Variants in TTF2 observed in about 807,000 individuals in gnomAD.
TTF2 encodes transcription termination factor 2.
TTF2 carries 108 observed loss-of-function variants against 142.4 expected under a neutral mutation model. That is an observed-to-expected ratio of 0.76 (90% CI 0.65 to 0.89). TTF2 has a LOEUF of 0.89. Among genes scored for constraint, TTF2 ranks in the 40% least tolerant of loss-of-function variants. The pLI, the probability that TTF2 is intolerant of heterozygous loss-of-function variation, is 0.00. For missense variants in TTF2, 1,327 were observed against 1,379.8 expected (o/e 0.96, Z 0.61); for synonymous variants, 483 against 506.2 (o/e 0.95, Z 0.61).
In TTF2 at chr1:117,086,880, A is replaced by T. The variant is rs962346973; in HGVS notation, c.2160+358A>T. Among the ~76,000 whole-genome samples the T allele has an allele frequency of 1.3e-5, 2 of 152,086 alleles. No individual in the cohort carries two copies. The highest frequency in any genetic ancestry group is 2.4e-5 in the African/African-American group (1 of 41,380). On this transcript the variant is annotated intron_variant, in intron 12 of 22. Coordinates refer to ENST00000369466, the MANE Select transcript of TTF2 (RefSeq NM_003594.4). This position sits in a 1 kb window ranked among gnomAD's most constrained non-coding sequence, Gnocchi z 4.2. ...ATGATATTTTTAATATTTATTGTGC[A>T]GACTAGTATTTTACTACTAGTATTT...
intron 2 of TTF2, among the ~76,000 whole-genome samples, chr1:117,061,066 A>G (rs918797034): frequency 2.6e-5 from 4 of 152,244 alleles, no homozygotes; most frequent in African/African-American, 9.6e-5. Flanking sequence ...AAATGGTGAA[A>G]TTGATAATTC....
rs1648652284 is a variant in TTF2, at chr1:117,092,121, T to G, written c.2805+171T>G. 6.6e-6 allele frequency among the ~76,000 whole-genome samples: 1 copy of G among 152,228 alleles called. No homozygotes were observed. The highest frequency in any genetic ancestry group is 2.1e-4 in the South Asian group (1 of 4,828). On this transcript the variant is annotated intron_variant, in intron 17 of 22. Transcript: ENST00000369466. The surrounding 1 kb of genome is among the most constrained non-coding windows in gnomAD (Gnocchi z 4.4). Reference sequence around the variant, plus strand: ...TGGAGAAAAGGGGGCTTATTTATTTTGCTTTATTTCATATTAATCTTGATA... The same window carrying G: ...TGGAGAAAAGGGGGCTTATTTATTTGGCTTTATTTCATATTAATCTTGATA...
In TTF2 at chr1:117,097,499, A is replaced by T; in HGVS notation, c.3269+66A>T. ...AAGGAGGCCAGTGGGCTACAGGGGC[A>T]GCAAGAACTGACTTCTTATGTTGAT... On this transcript the variant is annotated intron_variant, in intron 21 of 22. Coordinates refer to ENST00000369466, the MANE Select transcript of TTF2 (RefSeq NM_003594.4). This position sits in a 1 kb window ranked among gnomAD's most constrained non-coding sequence, Gnocchi z 4.1. 1 of 1,430,858 alleles carries T rather than the reference A, an allele frequency of 7.0e-7. No individual in the cohort carries two copies. 88.6% of individuals were successfully genotyped at this position (1,430,858 alleles called of 1,614,324 possible).
At chr1:117,082,051 T>C (rs753948441) in intron 10 of TTF2, 104 bp downstream of exon 10, 16 of 1,531,590 alleles carry the variant, frequency 1.0e-5, no homozygotes, top group Non-Finnish European at 1.4e-5. Context: ...CATATTTAAT[T>C]ACTCTACTGG....
intron 20 of TTF2, among the ~76,000 whole-genome samples, chr1:117,096,706 T>C (rs1420997870): frequency 6.6e-6 from 1 of 152,234 alleles, no homozygotes; most frequent in Non-Finnish European, 1.5e-5. Context: ...TATGGCAACT[T>C]AAAAATATTT....
Position 117,076,289 on chromosome 1 carries a change from A to G in TTF2, c.1385A>G (p.Glu462Gly). The G allele has an allele frequency of 6.2e-7, 1 of 1,613,470 alleles. No individual in the cohort carries two copies. Among genetic ancestry groups the G allele is most frequent in the Non-Finnish European group, 8.5e-7 (1 of 1,179,640 alleles). The change falls in exon 6 of 23, where the codon GAG becomes GGG. Residue 462 changes from glutamate to glycine, a missense_variant. Coordinates refer to ENST00000369466, the MANE Select transcript of TTF2 (RefSeq NM_003594.4). This position sits in a 1 kb window ranked among gnomAD's most constrained non-coding sequence, Gnocchi z 4.6. The part of the protein sequence containing the change: ...EVLSGLTLSP[E>G]QGTNEKSNSQ... ...CTCAGTGGTCTTACCCTTTCCCCAGAGCAAGGTAAAGTGGCTTATGCCTCA... is the reference window on the plus strand; with the variant it reads ...CTCAGTGGTCTTACCCTTTCCCCAGGGCAAGGTAAAGTGGCTTATGCCTCA...
chr1:117,086,672 C>T lies in TTF2; in HGVS notation c.2160+150C>T. ...ATGTGGAAAGGAATTGTTCTTTCCT[C>T]TATCCCATCACCCTTATTCCAGACA... is the stretch of plus-strand genomic sequence containing the variant. On this transcript the variant is annotated intron_variant, in intron 12 of 22. Transcript: ENST00000369466. This position sits in a 1 kb window ranked among gnomAD's most constrained non-coding sequence, Gnocchi z 4.2. The T allele has an allele frequency of 1.6e-6, 1 of 622,836 alleles. No homozygotes were observed. 38.6% of individuals were successfully genotyped at this position (622,836 alleles called of 1,614,324 possible).
At position 117,087,582 on chromosome 1, in the gene TTF2, C is replaced by G. The variant is rs1198130755; in HGVS notation, c.2160+1060C>G. On this transcript the variant is annotated intron_variant, in intron 12 of 22. Transcript: ENST00000369466. The surrounding 1 kb of genome is among the most constrained non-coding windows in gnomAD (Gnocchi z 4.8). Reference sequence around the variant, plus strand: ...TGCTGGGATTATAGGCATGAGCCACCATGCCTGGCCATATTAGGCTCTTTA... The same window carrying G: ...TGCTGGGATTATAGGCATGAGCCACGATGCCTGGCCATATTAGGCTCTTTA... Among the ~76,000 whole-genome samples the G allele has an allele frequency of 6.6e-6, 1 of 152,152 alleles. No homozygotes were observed. The highest frequency in any genetic ancestry group is 1.5e-5 in the Non-Finnish European group (1 of 68,040).
At position 117,092,018 on chromosome 1, in the gene TTF2, T is replaced by C; in HGVS notation, c.2805+68T>C. The C allele has an allele frequency of 6.7e-7, 1 of 1,487,382 alleles. No individual in the cohort carries two copies. The highest frequency in any genetic ancestry group is 1.3e-5 in the South Asian group (1 of 78,256). The allele number at this position is 1,487,382 out of a possible 1,614,324, so 92.1% of individuals were successfully genotyped here. ...GGGCCACCTGAGAAGTCAATTTCAC[T>C]CTCCTCCAACTGGAATCCAGTCTGC... is the stretch of plus-strand genomic sequence containing the variant. On this transcript the variant is annotated intron_variant, in intron 17 of 22. Coordinates refer to ENST00000369466, the MANE Select transcript of TTF2 (RefSeq NM_003594.4). The surrounding 1 kb of genome is among the most constrained non-coding windows in gnomAD (Gnocchi z 4.4).
At position 117,092,117 on chromosome 1, in the gene TTF2, A is replaced by C. The variant is rs902957608; in HGVS notation, c.2805+167A>C. 6.6e-6 allele frequency among the ~76,000 whole-genome samples: 1 copy of C among 152,024 alleles called. No homozygotes were observed. Among genetic ancestry groups the C allele is most frequent in the African/African-American group, 2.4e-5 (1 of 41,384 alleles). ...GGGTTGGAGAAAAGGGGGCTTATTTATTTTGCTTTATTTCATATTAATCTT... is the reference window on the plus strand; with the variant it reads ...GGGTTGGAGAAAAGGGGGCTTATTTCTTTTGCTTTATTTCATATTAATCTT... On this transcript the variant is annotated intron_variant, in intron 17 of 22. Coordinates refer to ENST00000369466, the MANE Select transcript of TTF2 (RefSeq NM_003594.4). The surrounding 1 kb of genome is among the most constrained non-coding windows in gnomAD (Gnocchi z 4.4).
Position 117,086,780 on chromosome 1 carries a change from G to T in TTF2, c.2160+258G>T, listed in dbSNP as rs1031089250. On this transcript the variant is annotated intron_variant, in intron 12 of 22. Transcript: ENST00000369466. The surrounding 1 kb of genome is among the most constrained non-coding windows in gnomAD (Gnocchi z 4.2). ...AAAGATGACTGCATTGTATTTGTGG[G>T]GGTAATAATCACCTGAATATATAAA... is the stretch of plus-strand genomic sequence containing the variant. Among the ~76,000 whole-genome samples the T allele has an allele frequency of 2.0e-5, 3 of 152,012 alleles. No homozygotes were observed. The highest frequency in any genetic ancestry group is 4.4e-5 in the Non-Finnish European group (3 of 68,010).
intron 21 of TTF2, 155 bp from the exon 22 acceptor site, chr1:117,098,678 T>C: frequency 1.6e-6 from 1 of 622,248 alleles, no homozygotes; most frequent in Non-Finnish European, 2.8e-6. Flanking sequence ...TGTGTTTTGT[T>C]TTGCTTTGCT....
chr1:117,093,291 A>G lies in TTF2; in HGVS notation c.2976+390A>G, dbSNP rs1007297215. On this transcript the variant is annotated intron_variant, in intron 18 of 22. Transcript: ENST00000369466. This position sits in a 1 kb window ranked among gnomAD's most constrained non-coding sequence, Gnocchi z 4.5. ...AGACTGTGTCATACATGCGAGCGCC[A>G]ATTGCTCTGACTTTGAAAGGCTTCC... Among the ~76,000 whole-genome samples the G allele has an allele frequency of 3.9e-5, 6 of 152,210 alleles. No homozygotes were observed. The highest frequency in any genetic ancestry group is 2.6e-4 in the Admixed American group (4 of 15,290).
At chr1:117,095,241 G>A in intron 18 of TTF2, 68 bp from the exon 19 acceptor site, 3 of 1,498,194 alleles carry the variant, frequency 2.0e-6, no homozygotes, top group Non-Finnish European at 2.8e-6. Flanking sequence ...TGCTTCGCAT[G>A]GCAGGTGAGG....
chr1:117,096,448 G>GA lies in TTF2; in HGVS notation c.3186+149_3186+150insA, dbSNP rs1421636477. 4 of 989,476 alleles carry GA rather than the reference G, an allele frequency of 4.0e-6. No individual in the cohort carries two copies. The African/African-American group carries it at 6.6e-5, about 16-fold the overall frequency. 61.3% of individuals were successfully genotyped at this position (989,476 alleles called of 1,614,324 possible). On this transcript the variant is annotated intron_variant, in intron 20 of 22. Transcript: ENST00000369466. ...GCTGGACTGCAATAGTGCTATCTTGGCTCACCGCAACCTCCGCCTCCCGGG... is the reference window on the plus strand; with the variant it reads ...GCTGGACTGCAATAGTGCTATCTTGGACTCACCGCAACCTCCGCCTCCCGGG...
In TTF2 at chr1:117,101,249, A is replaced by T; in HGVS notation, c.3345-131A>T. On this transcript the variant is annotated intron_variant, in intron 22 of 22. Coordinates refer to ENST00000369466, the MANE Select transcript of TTF2 (RefSeq NM_003594.4). The surrounding 1 kb of genome is among the most constrained non-coding windows in gnomAD (Gnocchi z 5.9). ...TTTGGATTCCTCAGACAGGGTTCTTAACTGGACCTAAGAAGACTTAAAGGA... is the reference window on the plus strand; with the variant it reads ...TTTGGATTCCTCAGACAGGGTTCTTTACTGGACCTAAGAAGACTTAAAGGA... 1.1e-6 allele frequency: 1 copy of T among 944,846 alleles called. No homozygotes were observed. The highest frequency in any genetic ancestry group is 1.5e-6 in the Non-Finnish European group (1 of 662,084). The allele number at this position is 944,846 out of a possible 1,614,324, so 58.5% of individuals were successfully genotyped here. A position where few individuals can be genotyped will look rare whatever the true frequency, so the allele number is the denominator to read the frequency against.
intron 7 of TTF2, among the ~76,000 whole-genome samples, 154 bp from the exon 8 acceptor site, chr1:117,077,762 C>G (rs1289670): frequency 0.023 from 3,574 of 152,222 alleles, 80 homozygotes; most frequent in South Asian, 0.1. Flanking sequence ...ACTTGTTTCC[C>G]AACTGAGAAC....
In TTF2 at chr1:117,060,492, C is replaced by T. The variant is rs758324413; in HGVS notation, c.66C>T (p.Gly22=). 1.5e-5 allele frequency: 24 copies of T among 1,613,872 alleles called. No homozygotes were observed. The highest frequency in any genetic ancestry group is 5.0e-5 in the Admixed American group (3 of 59,988). The part of the protein sequence containing the change: ...FCFLKTGVRD[G]PNKGKSFYVC... Reference sequence around the variant, plus strand: ...TTCTTAAGACCGGCGTCCGCGATGGCCCGAATAAAGGAAAGAGCTTCTACG... The same window carrying T: ...TTCTTAAGACCGGCGTCCGCGATGGTCCGAATAAAGGAAAGAGCTTCTACG... The change falls in exon 2 of 23, where the codon GGC becomes GGT. Residue 22 remains glycine, a synonymous_variant. Coordinates refer to ENST00000369466, the MANE Select transcript of TTF2 (RefSeq NM_003594.4).
At chr1:117,060,982 T>A (rs941107060) in intron 2 of TTF2, among the ~76,000 whole-genome samples, 6 of 152,376 alleles carry the variant, frequency 3.9e-5, no homozygotes, top group Non-Finnish European at 7.3e-5. Flanking sequence ...CGGTTTTTTT[T>A]AAATGTTTGA....
Sources: gnomAD v4.1 joint callset for allele counts (sites outside exome capture counted in the v4.1 genomes callset) on GRCh38, gnomAD v4.1.1 for gene constraint, Gnocchi (gnomAD v3.1) non-coding constraint, MANE v1.5 for transcripts, NCBI Gene and HGNC (gene_info 2026-07-23, HGNC 2026-07-21) for gene names.